ZNF839: variants seen among roughly 807,000 people sequenced by gnomAD.
ZNF839 encodes zinc finger protein 839.
In ZNF839, 38 loss-of-function variants were observed where a neutral mutation model predicts 56.4. That is an observed-to-expected ratio of 0.67 (90% confidence interval 0.52 to 0.88). The LOEUF (loss-of-function observed/expected upper bound fraction) is 0.88. Ranked by LOEUF, ZNF839 falls within the 40% of genes least tolerant of loss-of-function variation. The pLI, the probability that ZNF839 is intolerant of heterozygous loss-of-function variation, is 0.00. For missense variants in ZNF839, 1,091 were observed against 1,177.6 expected (o/e 0.93, Z 1.08); for synonymous variants, 486 against 493.5 (o/e 0.98, Z 0.20).
intron 7 of ZNF839, among the ~76,000 whole-genome samples, chr14:102,339,829 C>CA (rs36104716): frequency 0.7 from 106,128 of 151,960 alleles, 37,258 homozygotes; most frequent in Middle Eastern, 0.73. Context: ...AGACGGGTCC[C>CA]AGGACACATC....
chr14:102,318,429 T>C (rs1349068896), upstream of ZNF839, among the ~76,000 whole-genome samples: 1 of 152,106 alleles, frequency 6.6e-6, no homozygotes, highest in Admixed American at 6.6e-5. Flanking sequence ...GGTCAGGGTT[T>C]CAAGACCAGC....
At position 102,341,689 on chromosome 14, in the gene ZNF839, G is replaced by C; in HGVS notation, c.2294G>C (p.Gly765Ala). The change falls in exon 8 of 8, where the codon GGA becomes GCA. Residue 765 changes from glycine (G) to alanine (A), a missense_variant. Around this residue, in one of 3 missense-constraint regions of ZNF839, gnomAD observed 431 missense variants for 468.0 expected, o/e 0.92. Coordinates refer to ENST00000442396, the MANE Select transcript of ZNF839 (RefSeq NM_018335.6). ...GAGTCCCTGCCGCCTGGGGGGCCTGGACATGCAGAGGCAGGACACCTCGGC... is the reference window on the plus strand; with the variant it reads ...GAGTCCCTGCCGCCTGGGGGGCCTGCACATGCAGAGGCAGGACACCTCGGC... ...GAESLPPGGP[G>A]HAEAGHLGKV... 1 of 1,613,990 alleles carries C rather than the reference G, an allele frequency of 6.2e-7. No individual in the cohort carries two copies. The highest frequency in any genetic ancestry group is 8.5e-7 in the Non-Finnish European group (1 of 1,179,882).
chr14:102,319,990 G>A lies in ZNF839; in HGVS notation c.225G>A (p.Gln75=), dbSNP rs959809728. 2.6e-5 allele frequency: 30 copies of A among 1,173,460 alleles called. No individual in the cohort carries two copies. The highest frequency in any genetic ancestry group is 2.8e-5 in the Non-Finnish European group (27 of 953,302). 72.7% of individuals were successfully genotyped at this position (1,173,460 alleles called of 1,614,324 possible). Residue 75 remains glutamine, a synonymous_variant, in exon 1 of 8, where the codon CAG becomes CAA. Transcript: ENST00000442396. The surrounding 1 kb of genome is among the most constrained non-coding windows in gnomAD (Gnocchi z 4.5). ...GGCGGCTGCGGGACGCGGCCCAACA[G>A]GCCGCCCTGCAGCGGGGCCGGGGCA... The part of the protein sequence containing the change: ...AARRLRDAAQ[Q]AALQRGRGTE...
Position 102,326,774 on chromosome 14 carries a change from A to T in ZNF839, c.1078A>T (p.Thr360Ser). 1 of 1,612,764 alleles carries T rather than the reference A, an allele frequency of 6.2e-7. No individual in the cohort carries two copies. Among genetic ancestry groups the T allele is most frequent in the Non-Finnish European group, 8.5e-7 (1 of 1,179,484 alleles). ...KASGSTLRGC[T>S]EERTLSLTSL... ...CAGTGGAAGCACCCTCCGGGGGTGC[A>T]CGGAGGAAAGGACGCTCAGCCTGAC... Residue 360 changes from threonine to serine, a missense_variant, in exon 2 of 8, where the codon ACG becomes TCG. By Grantham distance (58) the Thr-to-Ser change is moderately conservative. Transcript: ENST00000442396. This position sits in a 1 kb window ranked among gnomAD's most constrained non-coding sequence, Gnocchi z 4.3.
intron 4 of ZNF839, 132 bp downstream of exon 4, chr14:102,334,778 C>G (rs979550669): frequency 1.5e-5 from 6 of 407,804 alleles, no homozygotes; most frequent in Non-Finnish European, 2.4e-5. Context: ...GGGTCTTGCT[C>G]TGTCGCCCAG....
intron 1 of ZNF839, among the ~76,000 whole-genome samples, chr14:102,324,278 T>C (rs2073288730): frequency 6.6e-6 from 1 of 152,162 alleles, no homozygotes; most frequent in South Asian, 2.1e-4. Context: ...GGCACGGTGG[T>C]TCATGCCTGT....
intron 1 of ZNF839, among the ~76,000 whole-genome samples, chr14:102,322,018 A>G: frequency 6.6e-6 from 1 of 151,970 alleles, no homozygotes; most frequent in East Asian, 1.9e-4. Context: ...TTCCAGTTCC[A>G]TCCAACATGC....
In ZNF839 at chr14:102,339,145, T is replaced by G; in HGVS notation, c.1849T>G (p.Ser617Ala). The change falls in exon 7 of 8, where the codon TCC (serine) becomes GCC (alanine). Residue 617 changes from serine to alanine, a missense_variant. By Grantham distance (99) the Ser-to-Ala change is moderately conservative. Around this residue, in one of 3 missense-constraint regions of ZNF839, gnomAD observed 431 missense variants for 468.0 expected, o/e 0.92. Coordinates refer to ENST00000442396, the MANE Select transcript of ZNF839 (RefSeq NM_018335.6). ...SVKRPRREAL[S>A]NDTTESLAAN... ...GAAAAGGCCCAGAAGAGAAGCCCTGTCCAACGATACCACTGAATCTCTTGC... is the reference window on the plus strand; with the variant it reads ...GAAAAGGCCCAGAAGAGAAGCCCTGGCCAACGATACCACTGAATCTCTTGC... The G allele has an allele frequency of 6.2e-7, 1 of 1,613,504 alleles. No homozygotes were observed. Among genetic ancestry groups the G allele is most frequent in the Non-Finnish European group, 8.5e-7 (1 of 1,179,680 alleles).
At position 102,335,843 on chromosome 14, in the gene ZNF839, C is replaced by T. The variant is rs1186773625; in HGVS notation, c.1659+5C>T. ...CTGGAAATAAACAATGATAAGGTAACAATCTCCCATGGCAGAAAGAGTTTT... is the reference window on the plus strand; with the variant it reads ...CTGGAAATAAACAATGATAAGGTAATAATCTCCCATGGCAGAAAGAGTTTT... On this transcript the variant is annotated splice_donor_5th_base_variant and intron_variant, in intron 5 of 7. Transcript: ENST00000442396. The T allele has an allele frequency of 2.4e-5, 38 of 1,609,318 alleles. No individual in the cohort carries two copies. Among genetic ancestry groups the T allele is most frequent in the Middle Eastern group, 1.7e-4 (1 of 6,054 alleles).
intron 7 of ZNF839, 29 bp downstream of exon 7, chr14:102,339,252 T>A: frequency 6.2e-7 from 1 of 1,603,446 alleles, no homozygotes; most frequent in Non-Finnish European, 8.5e-7. Context: ...TTGTGGGGTG[T>A]ATCCATGGCC....
chr14:102,326,271 G>C lies in ZNF839; in HGVS notation c.575G>C (p.Arg192Thr), dbSNP rs748128207. The C allele has an allele frequency of 1.9e-6, 3 of 1,613,744 alleles. No individual in the cohort carries two copies. The highest frequency in any genetic ancestry group is 2.5e-6 in the Non-Finnish European group (3 of 1,179,798). ...GCCCTCCAGGTGGTCCCTGCAAAGA[G>C]AGTCCCAGCCCCCAAGGCTCCAGAT... is the stretch of plus-strand genomic sequence containing the variant. ...LPALQVVPAK[R>T]VPAPKAPDEQ... Residue 192 changes from arginine (R) to threonine (T), a missense_variant, in exon 2 of 8, where the codon AGA becomes ACA. Arg to Thr is a moderately conservative substitution (Grantham distance 71). Coordinates refer to ENST00000442396, the MANE Select transcript of ZNF839 (RefSeq NM_018335.6). The surrounding 1 kb of genome is among the most constrained non-coding windows in gnomAD (Gnocchi z 4.3).
rs767088825 is a variant in ZNF839, at chr14:102,334,622, C to T, written c.1485C>T (p.Thr495=). Residue 495 remains threonine, a synonymous_variant, in exon 4 of 8, where the codon ACC becomes ACT. Transcript: ENST00000442396. ...LALPQLAQVV[T]VYEFLLMKVE... The stretch of plus-strand genomic sequence containing the variant: ...TGCCTCAGCTGGCTCAGGTTGTGAC[C>T]GTGTATGAGTTTCTTCTGATGAAGG... 22 of 1,612,242 alleles carry T rather than the reference C, an allele frequency of 1.4e-5. No individual in the cohort carries two copies. Among genetic ancestry groups the T allele is most frequent in the East Asian group, 1.3e-4 (6 of 44,862 alleles).
chr14:102,330,258 G>A (rs2073708408), intron 2 of ZNF839, among the ~76,000 whole-genome samples: 2 of 150,778 alleles, frequency 1.3e-5, no homozygotes, highest in Non-Finnish European at 3.0e-5. Flanking sequence ...TTGAGACGGA[G>A]GTTTGCTCTT....
chr14:102,341,381 G>A lies in ZNF839; in HGVS notation c.1986G>A (p.Thr662=), dbSNP rs1433612364. 7 of 1,548,200 alleles carry A rather than the reference G, an allele frequency of 4.5e-6. No homozygotes were observed. Among genetic ancestry groups the A allele is most frequent in the East Asian group, 4.5e-5 (2 of 44,334 alleles). ...VSPRSEESHT[T]TVSGGNGSVF... ...CCCGTTCTGAAGAAAGCCATACAAC[G>A]ACGGTTTCTGGTGGCAATGGGAGCG... is the stretch of plus-strand genomic sequence containing the variant. Residue 662 remains threonine (T), a synonymous_variant, in exon 8 of 8, where the codon ACG becomes ACA. Transcript: ENST00000442396.
intron 2 of ZNF839, among the ~76,000 whole-genome samples, chr14:102,329,979 G>C (rs2073693901): frequency 6.6e-6 from 1 of 151,464 alleles, no homozygotes; most frequent in Non-Finnish European, 1.5e-5. Context: ...ATTTTTAGTA[G>C]AGACAGGGTT....
At chr14:102,339,358 A>C (rs1024478832) in intron 7 of ZNF839, 135 bp downstream of exon 7, 34 of 1,242,024 alleles carry the variant, frequency 2.7e-5, no homozygotes, top group Non-Finnish European at 3.6e-5. Flanking sequence ...TGGTTTCTCA[A>C]GTTTCATTCC....
intron 1 of ZNF839, among the ~76,000 whole-genome samples, chr14:102,322,812 G>A (rs566249800): frequency 2.0e-5 from 3 of 152,294 alleles, no homozygotes; most frequent in East Asian, 1.9e-4. Flanking sequence ...CAGTCCTCCC[G>A]CCTCAGCATC....
intron 5 of ZNF839, chr14:102,337,843 T>C (rs1302712749): frequency 1.3e-5 from 2 of 152,288 alleles, no homozygotes; most frequent in Non-Finnish European, 2.9e-5. Context: ...AACATCCATG[T>C]ATAAATGATA....
At chr14:102,330,359 A>G (rs1449101365) in intron 2 of ZNF839, among the ~76,000 whole-genome samples, 1 of 151,038 alleles carries the variant, frequency 6.6e-6, no homozygotes, top group Admixed American at 6.6e-5. Flanking sequence ...CAGCCTCTCT[A>G]GTAGCTGAGA....
Sources: gnomAD v4.1 joint callset for allele counts (sites outside exome capture counted in the v4.1 genomes callset) on GRCh38, gnomAD v4.1.1 for gene constraint, gnomAD v4.1.1 regional missense constraint, Gnocchi (gnomAD v3.1) non-coding constraint, MANE v1.5 for transcripts, NCBI Gene and HGNC (gene_info 2026-07-23, HGNC 2026-07-21) for gene names.